Variants in ZMAT4 observed in about 807,000 individuals in gnomAD.
ZMAT4 encodes the protein zinc finger matrin-type protein 4.
Under a neutral mutation model 28.7 loss-of-function variants are expected in ZMAT4, and 17 were observed. That is an observed-to-expected ratio of 0.59 (90% CI 0.41 to 0.89). The LOEUF is 0.89. ZMAT4 is among the 40% of genes least tolerant of loss of function. The pLI is 0.00. For missense variants in ZMAT4, 240 were observed against 283.8 expected (o/e 0.85, Z 1.11); for synonymous variants, 117 against 109.2 (o/e 1.07, Z -0.44).
chr8:40,825,452 G>C, intron 2 of ZMAT4, 123 bp downstream of exon 2: 1 of 775,742 alleles, frequency 1.3e-6, no homozygotes, highest in Non-Finnish European at 2.1e-6. Flanking sequence ...GACTGTACAG[G>C]CTCAAGTCCT....
chr8:40,605,448 T>C (rs562986192), intron 5 of ZMAT4, among the ~76,000 whole-genome samples: 4 of 152,352 alleles, frequency 2.6e-5, no homozygotes, highest in African/African-American at 9.6e-5. Flanking sequence ...TCAATGATCA[T>C]TCAGGAGCAG....
At chr8:40,862,511 G>A (rs1484711830) in intron 1 of ZMAT4, among the ~76,000 whole-genome samples, 3 of 138,674 alleles carry the variant, frequency 2.2e-5, no homozygotes, top group African/African-American at 5.4e-5. Context: ...CATGGCACAT[G>A]TATACATATG....
At chr8:40,763,556 C>T (rs1813022602) in intron 3 of ZMAT4, among the ~76,000 whole-genome samples, 1 of 152,092 alleles carries the variant, frequency 6.6e-6, no homozygotes, top group South Asian at 2.1e-4. Context: ...CTCCAGACCC[C>T]ATAACAGTTA....
chr8:40,791,677 A>G (rs1345064654), intron 2 of ZMAT4, among the ~76,000 whole-genome samples: 1 of 152,182 alleles, frequency 6.6e-6, no homozygotes, highest in Non-Finnish European at 1.5e-5. Flanking sequence ...AGAACTCAGA[A>G]CATAGATTTT....
intron 2 of ZMAT4, among the ~76,000 whole-genome samples, chr8:40,821,464 G>A (rs987330663): frequency 6.6e-6 from 1 of 152,020 alleles, no homozygotes; most frequent in African/African-American, 2.4e-5. Flanking sequence ...ATGCCTCTAT[G>A]TTCCCTATTT....
intron 2 of ZMAT4, among the ~76,000 whole-genome samples, chr8:40,772,340 A>C (rs552964395): frequency 1.6e-4 from 24 of 152,224 alleles, no homozygotes; most frequent in Non-Finnish European, 3.2e-4. Flanking sequence ...AATTCAGGCC[A>C]GCCTTCTCTT....
intron 1 of ZMAT4, among the ~76,000 whole-genome samples, chr8:40,896,767 T>C (rs2150675837): frequency 6.6e-6 from 1 of 152,190 alleles, no homozygotes; most frequent in Non-Finnish European, 1.5e-5. Flanking sequence ...GCAGAAGCAG[T>C]GTGGATGGTG....
chr8:40,745,831 T>C lies in ZMAT4; in HGVS notation c.192+21810A>G, dbSNP rs57975511. On this transcript the variant is annotated intron_variant, in intron 3 of 6. Coordinates refer to ENST00000297737, the MANE Select transcript of ZMAT4 (RefSeq NM_024645.3). ...ATTGCTCATCACTCAATTCCTCTCT[T>C]GAGGAAACAAAAATGGTCCACTCAA... 8.1e-3 allele frequency among the ~76,000 whole-genome samples: 1,229 copies of C among 152,272 alleles called. 12 individuals carry two copies. The highest frequency in any genetic ancestry group is 0.029 in the African/African-American group (1,185 of 41,568).
At chr8:40,798,745 T>C (rs1453228344) in intron 2 of ZMAT4, among the ~76,000 whole-genome samples, 3 of 152,222 alleles carry the variant, frequency 2.0e-5, no homozygotes, top group Admixed American at 2.0e-4. Flanking sequence ...ATTGCTACTA[T>C]TTCTCAACAT....
At chr8:40,702,182 C>G (rs745625526) in intron 3 of ZMAT4, among the ~76,000 whole-genome samples, 1 of 152,118 alleles carries the variant, frequency 6.6e-6, no homozygotes, top group African/African-American at 2.4e-5. Flanking sequence ...GAGCTGAATA[C>G]ATTTATGTTC....
intron 6 of ZMAT4, among the ~76,000 whole-genome samples, chr8:40,559,423 C>A (rs1803657310): frequency 6.6e-6 from 1 of 152,010 alleles, no homozygotes; most frequent in African/African-American, 2.4e-5. Flanking sequence ...AATATGCATT[C>A]CTCCTCCTAA....
intron 3 of ZMAT4, among the ~76,000 whole-genome samples, chr8:40,721,129 TC>T (rs1194336294): frequency 1.0e-5 from 1 of 99,926 alleles, no homozygotes; most frequent in African/African-American, 4.0e-5. Flanking sequence ...CCCTCCCCCC[TC>T]CCCCCACCCC....
chr8:40,784,783 T>C (rs1436890551), intron 2 of ZMAT4, among the ~76,000 whole-genome samples: 1 of 152,200 alleles, frequency 6.6e-6, no homozygotes, highest in Non-Finnish European at 1.5e-5. Context: ...AGGGATCCCC[T>C]GAGCTGCAGA....
In ZMAT4 at chr8:40,863,437, C is replaced by T. The variant is rs536871370; in HGVS notation, c.-5+34246G>A. Among the ~76,000 whole-genome samples, 3 of 152,240 alleles carry T rather than the reference C, an allele frequency of 2.0e-5. No homozygotes were observed. The East Asian group carries it at 5.8e-4, about 29-fold the overall frequency. ...TCTTAGGCATCCTTTGATGAGGTAG[C>T]TAAAGGGAGAAGGAGAATCAAGAAC... On this transcript the variant is annotated intron_variant, in intron 1 of 6. Coordinates refer to ENST00000297737, the MANE Select transcript of ZMAT4 (RefSeq NM_024645.3).
At position 40,739,271 on chromosome 8, in the gene ZMAT4, T is replaced by C. The variant is rs958138342; in HGVS notation, c.192+28370A>G. Among the ~76,000 whole-genome samples the C allele has an allele frequency of 2.0e-4, 31 of 152,196 alleles. 1 individual carries two copies. Among genetic ancestry groups the C allele is most frequent in the African/African-American group, 7.0e-4 (29 of 41,438 alleles). On this transcript the variant is annotated intron_variant, in intron 3 of 6. Coordinates refer to ENST00000297737, the MANE Select transcript of ZMAT4 (RefSeq NM_024645.3). ...CGGCAACAGAAGAAACCTTAGCTTC[T>C]CATCAAGGAGCAAATTAGACCCTTC...
chr8:40,653,750 T>C (rs942354576), intron 5 of ZMAT4, among the ~76,000 whole-genome samples: 3 of 152,110 alleles, frequency 2.0e-5, no homozygotes, highest in African/African-American at 7.2e-5. Flanking sequence ...TTATAACAAG[T>C]AGAGACACTG....
chr8:40,564,380 A>G (rs1456078158), intron 6 of ZMAT4, among the ~76,000 whole-genome samples: 1 of 152,146 alleles, frequency 6.6e-6, no homozygotes, highest in Non-Finnish European at 1.5e-5. Flanking sequence ...TGCTGATGCC[A>G]GCTTCCTCTT....
chr8:40,853,801 G>A (rs529018573), intron 1 of ZMAT4, among the ~76,000 whole-genome samples: 15 of 152,138 alleles, frequency 9.9e-5, no homozygotes, highest in Non-Finnish European at 1.6e-4. Context: ...TTTTAACATC[G>A]TTAAGCAAGT....
intron 6 of ZMAT4, among the ~76,000 whole-genome samples, chr8:40,533,137 T>C (rs1802746818): frequency 6.6e-6 from 1 of 152,240 alleles, no homozygotes; most frequent in Admixed American, 6.5e-5. Context: ...TCATGAATTT[T>C]ACATTTACTT....
Sources: allele counts gnomAD v4.1 joint callset (sites outside exome capture counted in the v4.1 genomes callset), GRCh38; gene constraint gnomAD v4.1.1; transcripts MANE v1.5; gene names NCBI Gene and HGNC (gene_info 2026-07-23, HGNC 2026-07-21).